Variants in TMEM132B observed in about 807,000 individuals in gnomAD.
The protein encoded by TMEM132B is transmembrane protein 132B.
Under a neutral mutation model 90.8 loss-of-function variants are expected in TMEM132B, and 18 were observed. The observed-to-expected ratio is 0.20, with a 90% confidence interval of 0.14 to 0.29. The LOEUF (loss-of-function observed/expected upper bound fraction) is 0.29. TMEM132B is among the 10% of genes least tolerant of loss of function. The pLI, the probability that TMEM132B is intolerant of heterozygous loss-of-function variation, is 1.00. For missense variants in TMEM132B, 1,096 were observed against 1,326.8 expected (o/e 0.83, Z 2.70); for synonymous variants, 504 against 523.3 (o/e 0.96, Z 0.50).
At chr12:125,358,140 T>A (rs1480847830) in intron 2 of TMEM132B, among the ~76,000 whole-genome samples, 3 of 151,780 alleles carry the variant, frequency 2.0e-5, no homozygotes, top group African/African-American at 7.3e-5. Context: ...AAATTCACAC[T>A]CTCTATGGGG....
In TMEM132B at chr12:125,415,402, A is replaced by G. The variant is rs1879980917; in HGVS notation, c.960-129A>G. On this transcript the variant is annotated intron_variant, in intron 2 of 8. Transcript: ENST00000682704. The surrounding 1 kb of genome is among the most constrained non-coding windows in gnomAD (Gnocchi z 5.3). ...GCCACTTGCCACCACTCTCCCCCAC[A>G]TCTCCCAGAGGAAGGGGGCGATGTT... 1.7e-6 allele frequency: 2 copies of G among 1,209,710 alleles called. No homozygotes were observed. Among genetic ancestry groups the G allele is most frequent in the Admixed American group, 4.8e-5 (2 of 41,428 alleles). 74.9% of individuals were successfully genotyped at this position (1,209,710 alleles called of 1,614,324 possible).
At chr12:125,189,357 G>T (rs372810898) in intron 1 of TMEM132B, among the ~76,000 whole-genome samples, 2 of 152,142 alleles carry the variant, frequency 1.3e-5, no homozygotes, top group African/African-American at 4.8e-5. Context: ...CATTATGCAC[G>T]GGGGTCTAGG....
chr12:125,584,565 A>T (rs368746577), intron 5 of TMEM132B: 1 of 122,792 alleles, frequency 8.1e-6, no homozygotes, highest in Non-Finnish European at 1.7e-5. Context: ...AAAATAAATA[A>T]CTATTCAAAT....
chr12:125,487,404 CT>C (rs1882231290), intron 3 of TMEM132B, among the ~76,000 whole-genome samples: 1 of 152,218 alleles, frequency 6.6e-6, no homozygotes, highest in African/African-American at 2.4e-5. Flanking sequence ...AAATAACCCT[CT>C]ATCTCAGTGG....
intron 4 of TMEM132B, among the ~76,000 whole-genome samples, chr12:125,559,463 A>C (rs1884467489): frequency 6.6e-6 from 1 of 152,246 alleles, no homozygotes; most frequent in African/African-American, 2.4e-5. Flanking sequence ...ATAAGTAATA[A>C]GAAAAATATC....
intron 3 of TMEM132B, among the ~76,000 whole-genome samples, chr12:125,473,659 G>A (rs1881780918): frequency 6.6e-6 from 1 of 152,294 alleles, no homozygotes; most frequent in East Asian, 1.9e-4. Flanking sequence ...CACACCAGCT[G>A]CTGCTTCACA....
intron 7 of TMEM132B, 109 bp downstream of exon 7, chr12:125,651,062 A>G: frequency 7.0e-7 from 1 of 1,423,804 alleles, no homozygotes; most frequent in Non-Finnish European, 9.5e-7. Context: ...GGACATGTAT[A>G]TCAACGTGTG....
chr12:125,564,453 T>G (rs1039717394), intron 4 of TMEM132B, among the ~76,000 whole-genome samples: 6 of 152,310 alleles, frequency 3.9e-5, no homozygotes, highest in African/African-American at 1.4e-4. Flanking sequence ...TAAGATGCAC[T>G]GAGTGGGAAA....
chr12:125,485,984 A>C (rs1002856835), intron 3 of TMEM132B, among the ~76,000 whole-genome samples: 1 of 152,206 alleles, frequency 6.6e-6, no homozygotes, highest in Non-Finnish European at 1.5e-5. Flanking sequence ...GAATTGCCTG[A>C]GACCAAGAAA....
intron 3 of TMEM132B, among the ~76,000 whole-genome samples, chr12:125,481,747 A>C (rs1373084434): frequency 6.6e-6 from 1 of 152,204 alleles, no homozygotes; most frequent in Non-Finnish European, 1.5e-5. Flanking sequence ...AATTGGAAAA[A>C]ACTACTTTAA....
Position 125,414,048 on chromosome 12 carries a change from G to A in TMEM132B, c.960-1483G>A, listed in dbSNP as rs139582693. On this transcript the variant is annotated intron_variant, in intron 2 of 8. Coordinates refer to ENST00000682704, the MANE Select transcript of TMEM132B (RefSeq NM_001366854.1). ...TAGCCATCCCAGTGGGTATTAAGTG[G>A]TATGTCATTGTGGTTTGGATTTGCA... Among the ~76,000 whole-genome samples, 417 of 152,232 alleles carry A rather than the reference G, an allele frequency of 2.7e-3. 2 individuals carry two copies. The highest frequency in any genetic ancestry group is 9.6e-3 in the African/African-American group (399 of 41,522).
chr12:125,450,447 A>C lies in TMEM132B; in HGVS notation c.1106+34770A>C, dbSNP rs544122588. Among the ~76,000 whole-genome samples, 11 of 152,338 alleles carry C rather than the reference A, an allele frequency of 7.2e-5. 1 individual carries two copies. The East Asian group carries it at 2.1e-3, about 29-fold the overall frequency. On this transcript the variant is annotated intron_variant, in intron 3 of 8. Coordinates refer to ENST00000682704, the MANE Select transcript of TMEM132B (RefSeq NM_001366854.1). ...GAATCTAAACTATTGAAAATATAGG[A>C]ATTCACAAACCCGTGTAGATAATAA...
intron 4 of TMEM132B, among the ~76,000 whole-genome samples, chr12:125,538,995 C>A (rs1025319114): frequency 2.0e-5 from 3 of 152,210 alleles, no homozygotes; most frequent in Admixed American, 6.5e-5. Context: ...CCAGCCACCA[C>A]CATCTCCTGC....
chr12:125,438,175 A>G (rs902705685), intron 3 of TMEM132B, among the ~76,000 whole-genome samples: 1 of 152,198 alleles, frequency 6.6e-6, no homozygotes, highest in Non-Finnish European at 1.5e-5. Flanking sequence ...AATTAAACAT[A>G]TTTTTAAGAA....
intron 3 of TMEM132B, among the ~76,000 whole-genome samples, chr12:125,447,615 C>T (rs893840757): frequency 6.6e-6 from 1 of 152,092 alleles, no homozygotes; most frequent in African/African-American, 2.4e-5. Context: ...CTCTTTCTTT[C>T]TTCCTACATC....
chr12:125,420,303 G>A (rs1880133517), intron 3 of TMEM132B, among the ~76,000 whole-genome samples: 1 of 152,232 alleles, frequency 6.6e-6, no homozygotes, highest in Admixed American at 6.5e-5. Flanking sequence ...GGGCATCCAG[G>A]CATTTCCATA....
At chr12:125,478,444 G>A (rs1026346941) in intron 3 of TMEM132B, among the ~76,000 whole-genome samples, 15 of 152,286 alleles carry the variant, frequency 9.8e-5, no homozygotes, top group Admixed American at 3.9e-4. Flanking sequence ...GCTGAAAACC[G>A]TGGCATGAGA....
intron 1 of TMEM132B, among the ~76,000 whole-genome samples, chr12:125,188,725 G>A (rs970254308): frequency 6.6e-6 from 1 of 151,778 alleles, no homozygotes; most frequent in Non-Finnish European, 1.5e-5. Flanking sequence ...AATGCCGTCC[G>A]GGCAGAGCCC....
chr12:125,488,598 C>CT (rs1481683642), intron 3 of TMEM132B, among the ~76,000 whole-genome samples: 1 of 152,212 alleles, frequency 6.6e-6, no homozygotes, highest in Non-Finnish European at 1.5e-5. Context: ...TAAGACATGA[C>CT]TTGCTCCTCT....
Sources: gnomAD v4.1 joint callset for allele counts (sites outside exome capture counted in the v4.1 genomes callset) on GRCh38, gnomAD v4.1.1 for gene constraint, Gnocchi (gnomAD v3.1) non-coding constraint, MANE v1.5 for transcripts, NCBI Gene and HGNC (gene_info 2026-07-23, HGNC 2026-07-21) for gene names.